The following ZNF75D variants were observed in gnomAD, a reference collection of about 807,000 sequenced individuals.
ZNF75D encodes zinc finger protein 75D, also known as zinc finger protein 75.
In ZNF75D, 33 loss-of-function variants were observed where a neutral mutation model predicts 33.3. The observed-to-expected ratio is 0.99, with a 90% CI of 0.75 to 1.32. The LOEUF is 1.32. Ranked by LOEUF, ZNF75D falls within the 40% of genes most tolerant of loss-of-function variation. The pLI is 0.00. For missense variants in ZNF75D, 338 were observed against 367.5 expected, an observed-to-expected ratio of 0.92 and a Z score of 0.66; for synonymous variants, 113 against 130.6, an observed-to-expected ratio of 0.87 and a Z score of 0.92.
At chrX:135,313,050 C>G (rs1413632233) in intron 1 of ZNF75D, among the ~76,000 whole-genome samples, 1 of 111,629 alleles carries the variant, frequency 9.0e-6, no homozygotes, top group African/African-American at 3.2e-5. Context: ...GCTTTTGAAG[C>G]CTTAGCCATA....
downstream of ZNF75D, among the ~76,000 whole-genome samples, chrX:135,285,309 T>C: frequency 8.9e-6 from 1 of 111,781 alleles, no homozygotes; most frequent in Non-Finnish European, 1.9e-5. Context: ...AATCTCAAGT[T>C]GAGGGTTTGT....
rs1349032340 is a variant in ZNF75D, at chrX:135,262,837, T to C, written n.828-7060A>G. Among the ~76,000 whole-genome samples, 3 of 112,714 alleles carry C rather than the reference T, an allele frequency of 2.7e-5. No homozygotes were observed. In the Admixed American group the frequency reaches 2.8e-4, roughly 11 times the overall value. On this transcript the variant is annotated intron_variant and non_coding_transcript_variant, in intron 1 of 3. Coordinates refer to the ZNF75D transcript ENST00000494295. The stretch of plus-strand genomic sequence containing the variant: ...TCTCCATCCAGCTTTGTTCTGTTGT[T>C]GGCGAGGAGCTGCCATCCTTTGGAG...
chrX:135,300,199 T>C (rs1322604680), intron 1 of ZNF75D, among the ~76,000 whole-genome samples: 1 of 112,107 alleles, frequency 8.9e-6, no homozygotes, highest in Non-Finnish European at 1.9e-5. Context: ...TTCAATCTTC[T>C]TTTTGCAGCA....
intron 1 of ZNF75D, among the ~76,000 whole-genome samples, chrX:135,326,066 A>C (rs2084569266): frequency 1.0e-5 from 1 of 100,035 alleles, no homozygotes; most frequent in Non-Finnish European, 2.0e-5. Flanking sequence ...GAGAACCTTT[A>C]TGTCTAGCTC....
chrX:135,293,330 C>G (rs2084074815), intron 3 of ZNF75D, among the ~76,000 whole-genome samples: 1 of 111,074 alleles, frequency 9.0e-6, no homozygotes, highest in South Asian at 3.9e-4. Flanking sequence ...TTGATTCATA[C>G]TTCTGTTTGC....
intron 1 of ZNF75D, among the ~76,000 whole-genome samples, chrX:135,275,701 A>G (rs1174146323): frequency 9.0e-6 from 1 of 110,588 alleles, no homozygotes; most frequent in Admixed American, 9.7e-5. Flanking sequence ...GAAGGCTTTC[A>G]TTTGGTTCTG....
intron 1 of ZNF75D, among the ~76,000 whole-genome samples, chrX:135,318,070 GAT>G (rs1556432533): frequency 1.1e-4 from 10 of 92,253 alleles, no homozygotes; most frequent in Non-Finnish European, 1.3e-4. Context: ...GCAATGGCTT[GAT>G]ATATATATAT....
At chrX:135,275,576 T>C (rs920822278) in intron 1 of ZNF75D, among the ~76,000 whole-genome samples, 4 of 111,364 alleles carry the variant, frequency 3.6e-5, no homozygotes, top group Non-Finnish European at 7.5e-5. Context: ...TGTTTTTGTT[T>C]CTAATTTTTA....
chrX:135,287,440 CTTA>C lies in ZNF75D; in HGVS notation c.1227_1229del (p.Asn409del). On this transcript the variant is annotated inframe_deletion, in exon 7 of 7. Transcript: ENST00000370766. Reference sequence around the variant, plus strand: ...TTATTCCTTGATGGGTCATGAAGTGCTTATTAAGATCTGAACTCCATCTAAACC... The same window carrying C: ...TTATTCCTTGATGGGTCATGAAGTGCTTAAGATCTGAACTCCATCTAAACC... 2.5e-6 allele frequency: 3 copies of C among 1,211,444 alleles called. No homozygotes were observed. The highest frequency in any genetic ancestry group is 2.3e-4 in the Middle Eastern group (1 of 4,324).
intron 2 of ZNF75D, chrX:135,253,605 C>T (rs2148457346): frequency 3.6e-6 from 1 of 277,521 alleles, no homozygotes; most frequent in South Asian, 2.6e-4. Flanking sequence ...CATTTCACTC[C>T]TTGAGGTTGG....
rs370570472 is a variant in ZNF75D at position 135,298,187 on chromosome X, G to A, written c.-390-2148C>T. On this transcript the variant is annotated intron_variant, in intron 1 of 6. Transcript: ENST00000370766. ...GGAGGAAAAATGTAGATCAATTTTCGAGAAATATGGAAAACTGGAAACCAA... is the reference window on the plus strand; with the variant it reads ...GGAGGAAAAATGTAGATCAATTTTCAAGAAATATGGAAAACTGGAAACCAA... 4 of 110,732 alleles carry A rather than the reference G, an allele frequency of 3.6e-5. No individual in the cohort carries two copies. The East Asian group carries it at 8.4e-4, about 23-fold the overall frequency. The allele number at this position is 110,732 out of a possible 1,213,427, so 9.1% of individuals were successfully genotyped here.
At chrX:135,291,774 T>G in intron 4 of ZNF75D, 1 of 143,091 alleles carries the variant, frequency 7.0e-6, no homozygotes, top group Non-Finnish European at 1.2e-5. Context: ...ATGAACTCTT[T>G]AGATTTCATA....
rs1225874732 is a variant in ZNF75D, at chrX:135,342,175, C to G, written c.-798G>C. On this transcript the variant is annotated 5_prime_UTR_variant, in exon 1 of 7. Transcript: ENST00000370766. ...CCTAGTGAACAAGAAGTAGCAACTACTCTACACTTCAGGGCTCCTCTAAGT... is the reference window on the plus strand; with the variant it reads ...CCTAGTGAACAAGAAGTAGCAACTAGTCTACACTTCAGGGCTCCTCTAAGT... 3 of 112,123 alleles carry G rather than the reference C, an allele frequency of 2.7e-5. No homozygotes were observed. The highest frequency in any genetic ancestry group is 9.8e-5 in the African/African-American group (3 of 30,765). 9.2% of individuals were successfully genotyped at this position (112,123 alleles called of 1,213,427 possible).
chrX:135,321,421 T>C (rs2084493835), intron 1 of ZNF75D, among the ~76,000 whole-genome samples: 1 of 112,152 alleles, frequency 8.9e-6, no homozygotes, highest in Non-Finnish European at 1.9e-5. Flanking sequence ...AGAGGAAACA[T>C]TGTTGATGTA....
chrX:135,270,837 G>A (rs782492756), intron 1 of ZNF75D, among the ~76,000 whole-genome samples: 16 of 111,815 alleles, frequency 1.4e-4, no homozygotes, highest in Non-Finnish European at 2.6e-4. Flanking sequence ...AGTCAGTGTC[G>A]GTTTCCAAGA....
At chrX:135,256,804 A>G (rs2083803433) in intron 1 of ZNF75D, among the ~76,000 whole-genome samples, 1 of 112,075 alleles carries the variant, frequency 8.9e-6, no homozygotes, top group Non-Finnish European at 1.9e-5. Flanking sequence ...GGACTAACAC[A>G]TTAAAGGGGA....
intron 1 of ZNF75D, among the ~76,000 whole-genome samples, chrX:135,337,789 G>A (rs1411501698): frequency 2.7e-5 from 3 of 111,401 alleles, no homozygotes; most frequent in African/African-American, 6.5e-5. Flanking sequence ...ATTCACTACC[G>A]AGATGTTCCC....
At chrX:135,262,854 C>T (rs1376387912) in intron 1 of ZNF75D, among the ~76,000 whole-genome samples, 1 of 112,516 alleles carries the variant, frequency 8.9e-6, no homozygotes, top group African/African-American at 3.2e-5. Flanking sequence ...GAGCTGCCAT[C>T]CTTTGGAGGA....
At chrX:135,299,084 G>A (rs782423155) in intron 1 of ZNF75D, among the ~76,000 whole-genome samples, 1 of 112,041 alleles carries the variant, frequency 8.9e-6, no homozygotes, top group East Asian at 2.8e-4. Context: ...GTATAATGCT[G>A]CTATGAACAT....
Sources: allele counts gnomAD v4.1 joint callset (sites outside exome capture counted in the v4.1 genomes callset), GRCh38; gene constraint gnomAD v4.1.1; transcripts MANE v1.5; gene names NCBI Gene and HGNC (gene_info 2026-07-23, HGNC 2026-07-21).